Variants in ISY1 observed in about 807,000 individuals in gnomAD.
ISY1 encodes pre-mRNA-splicing factor ISY1 homolog.
Under a neutral mutation model 54.4 loss-of-function variants are expected in ISY1, and 12 were observed. The observed-to-expected ratio is 0.22, with a 90% CI of 0.14 to 0.36. ISY1 has a LOEUF of 0.36. Ranked by LOEUF, ISY1 falls within the 10% of genes least tolerant of loss-of-function variation. ISY1 has a pLI of 1.00. For synonymous variants in ISY1, 96 were observed against 117.9 expected (o/e 0.81, Z 1.20); for missense variants, 282 against 342.2 (o/e 0.82, Z 1.39).
intron 6 of ISY1, among the ~76,000 whole-genome samples, chr3:129,143,205 T>A (rs553424189): frequency 6.6e-6 from 1 of 151,574 alleles, no homozygotes; most frequent in South Asian, 2.1e-4. Context: ...CAGAGTAAAA[T>A]CTTGTCACAA....
intron 5 of ISY1, among the ~76,000 whole-genome samples, chr3:129,154,968 G>A (rs932280063): frequency 6.6e-6 from 1 of 152,016 alleles, no homozygotes; most frequent in South Asian, 2.1e-4. Context: ...GATTACAGGC[G>A]TGAGCCACCA....
chr3:129,138,449 C>G (rs1363443282), intron 7 of ISY1, among the ~76,000 whole-genome samples: 11 of 151,606 alleles, frequency 7.3e-5, no homozygotes, highest in Admixed American at 7.2e-4. Flanking sequence ...TCCTGGCTAA[C>G]ACGGTGAAAC....
At chr3:129,151,659 T>C (rs1047028642) in intron 5 of ISY1, among the ~76,000 whole-genome samples, 1 of 152,172 alleles carries the variant, frequency 6.6e-6, no homozygotes, top group African/African-American at 2.4e-5. Flanking sequence ...GGATTTTCTA[T>C]GTTACAATAA....
intron 6 of ISY1, among the ~76,000 whole-genome samples, chr3:129,143,619 T>C (rs973177221): frequency 2.6e-5 from 4 of 151,326 alleles, no homozygotes; most frequent in Non-Finnish European, 4.4e-5. Context: ...ATAAAGCACA[T>C]AGAATATTAA....
rs1432527261 is a variant in ISY1, at chr3:129,130,107, C to CA, written c.831_832insT (p.Glu278Ter). The CA allele has an allele frequency of 6.2e-7, 1 of 1,609,748 alleles. No individual in the cohort carries two copies. Among genetic ancestry groups the CA allele is most frequent in the Admixed American group, 1.7e-5 (1 of 58,574 alleles). ...TAATACCCCAGGAGCCTTCTGGCTT[C>CA]TTCACTTTGGGCCTGCAGGGTCTCG... On this transcript the variant is annotated frameshift_variant, in exon 11 of 11. Transcript: ENST00000393295. LOFTEE classifies it high-confidence loss of function.
Position 129,134,048 on chromosome 3 carries a change from G to C in ISY1, c.663+26C>G. ...CATGGCTTGGAACAGATGGCAGTGA[G>C]TGCCAGAGGGGGCCAACCCCAATAC... is the stretch of plus-strand genomic sequence containing the variant. On this transcript the variant is annotated intron_variant, in intron 9 of 10. Coordinates refer to ENST00000393295, the MANE Select transcript of ISY1 (RefSeq NM_020701.4). The C allele has an allele frequency of 1.9e-6, 3 of 1,613,440 alleles. No homozygotes were observed. In the South Asian group the frequency reaches 3.3e-5, roughly 18 times the overall value.
At chr3:129,157,613 CAGG>C (rs1209429776) in intron 3 of ISY1, among the ~76,000 whole-genome samples, 1 of 149,930 alleles carries the variant, frequency 6.7e-6, no homozygotes, top group African/African-American at 2.5e-5. Context: ...TCCAGCTACT[CAGG>C]AGGCTGAGGC....
At chr3:129,146,490 G>A (rs1233082491) in intron 5 of ISY1, among the ~76,000 whole-genome samples, 1 of 152,080 alleles carries the variant, frequency 6.6e-6, no homozygotes, top group Non-Finnish European at 1.5e-5. Flanking sequence ...ACTTTTGAAA[G>A]GGACAATTTG....
chr3:129,156,535 C>A, intron 5 of ISY1, 98 bp downstream of exon 5: 1 of 1,254,908 alleles, frequency 8.0e-7, no homozygotes, highest in Non-Finnish European at 1.1e-6. Context: ...GATTTACTAT[C>A]TACTTGCTCT....
chr3:129,149,505 T>C (rs1471566631), intron 5 of ISY1, among the ~76,000 whole-genome samples: 1 of 138,888 alleles, frequency 7.2e-6, no homozygotes, highest in African/African-American at 2.7e-5. Context: ...TCCCAGCACT[T>C]TGGGAGGCCA....
chr3:129,141,537 G>A (rs928279476), intron 6 of ISY1, among the ~76,000 whole-genome samples: 1 of 151,472 alleles, frequency 6.6e-6, no homozygotes, highest in Non-Finnish European at 1.5e-5. Context: ...GGCGGATCAC[G>A]AGGTCAGGAG....
intron 10 of ISY1, among the ~76,000 whole-genome samples, 167 bp from the exon 11 acceptor site, chr3:129,130,355 C>T (rs946990515): frequency 2.6e-5 from 4 of 152,282 alleles, no homozygotes; most frequent in African/African-American, 7.2e-5. Context: ...AACATTTGAA[C>T]GATAGAATGG....
At chr3:129,149,636 T>TATATATATAC (rs759382962) in intron 5 of ISY1, among the ~76,000 whole-genome samples, 5 of 54,698 alleles carry the variant, frequency 9.1e-5, no homozygotes, top group East Asian at 1.3e-3. Flanking sequence ...TATATATATA[T>TATATATATAC]ACACAAAAAA....
chr3:129,138,052 G>A (rs1327298976), intron 7 of ISY1, among the ~76,000 whole-genome samples: 3 of 148,456 alleles, frequency 2.0e-5, no homozygotes, highest in Non-Finnish European at 3.0e-5. Flanking sequence ...CAAGGCGGGC[G>A]GATCACAAGG....
chr3:129,154,650 T>C (rs1937080511), intron 5 of ISY1, among the ~76,000 whole-genome samples: 1 of 151,794 alleles, frequency 6.6e-6, no homozygotes, highest in Admixed American at 6.6e-5. Flanking sequence ...GTGTATATTT[T>C]TTCTTGGTCA....
rs554599077 is a variant in ISY1 at position 129,141,785 on chromosome 3, A to G, written c.301-1300T>C. On this transcript the variant is annotated intron_variant, in intron 6 of 10. Coordinates refer to ENST00000393295, the MANE Select transcript of ISY1 (RefSeq NM_020701.4). ...ATAAAATAAAATAATTAAAAAATAA[A>G]TAAATAAATAAAGATAAAAAACACG... is the stretch of plus-strand genomic sequence containing the variant. Among the ~76,000 whole-genome samples, 4 of 151,934 alleles carry G rather than the reference A, an allele frequency of 2.6e-5. No individual in the cohort carries two copies. The South Asian group carries it at 8.3e-4, about 32-fold the overall frequency.
At chr3:129,135,164 T>C (rs192938618) in intron 7 of ISY1, among the ~76,000 whole-genome samples, 1 of 152,206 alleles carries the variant, frequency 6.6e-6, no homozygotes, top group Admixed American at 6.5e-5. Context: ...CTGACCAACA[T>C]GGTGAAACCT....
chr3:129,139,785 G>A (rs1272769849), intron 7 of ISY1, among the ~76,000 whole-genome samples: 1 of 152,108 alleles, frequency 6.6e-6, no homozygotes, highest in Non-Finnish European at 1.5e-5. Flanking sequence ...TGGGAGTACA[G>A]GCATGCACCA....
In ISY1 at chr3:129,129,436, C is replaced by A. The variant is rs1323238634; in HGVS notation, c.*645G>T. ...GTCGCCAGGCTGGAGTGCAATGGCACGATCTTGGCTCACTTCAACCTCCAC... is the reference window on the plus strand; with the variant it reads ...GTCGCCAGGCTGGAGTGCAATGGCAAGATCTTGGCTCACTTCAACCTCCAC... On this transcript the variant is annotated 3_prime_UTR_variant, in exon 11 of 11. Transcript: ENST00000393295. The A allele has an allele frequency of 6.6e-6, 1 of 150,736 alleles. No individual in the cohort carries two copies. Among genetic ancestry groups the A allele is most frequent in the Non-Finnish European group, 1.5e-5 (1 of 67,904 alleles). The allele number at this position is 150,736 out of a possible 1,614,324, so 9.3% of individuals were successfully genotyped here.
Sources: gnomAD v4.1 joint callset for allele counts (sites outside exome capture counted in the v4.1 genomes callset) on GRCh38, gnomAD v4.1.1 for gene constraint, MANE v1.5 for transcripts, NCBI Gene and HGNC (gene_info 2026-07-23, HGNC 2026-07-21) for gene names.